COX7B2: variants seen among roughly 807,000 people sequenced by gnomAD.
The protein encoded by COX7B2 is cytochrome c oxidase subunit 7B2, mitochondrial.
For missense variants in COX7B2, 109 were observed against 95.9 expected (o/e 1.14, Z -0.57); for synonymous variants, 37 against 32.1 (o/e 1.15, Z -0.51).
At chr4:46,745,327 C>T (rs1432815503) in intron 2 of COX7B2, among the ~76,000 whole-genome samples, 3 of 152,096 alleles carry the variant, frequency 2.0e-5, no homozygotes, top group Non-Finnish European at 2.9e-5. Flanking sequence ...TTGCTATCAC[C>T]TAGATAACTT....
chr4:46,814,928 G>A (rs187320332), intron 2 of COX7B2, among the ~76,000 whole-genome samples: 291 of 152,238 alleles, frequency 1.9e-3, no homozygotes, highest in Non-Finnish European at 3.4e-3. Context: ...GCTCATGCCT[G>A]TAATCCCAGC....
At chr4:46,791,946 C>T (rs1325857352) in intron 2 of COX7B2, among the ~76,000 whole-genome samples, 1 of 152,034 alleles carries the variant, frequency 6.6e-6, no homozygotes, top group Admixed American at 6.6e-5. Flanking sequence ...GGGGTTTATA[C>T]CAGTAAAATG....
At chr4:46,746,296 G>T (rs2109415200) in intron 2 of COX7B2, among the ~76,000 whole-genome samples, 1 of 152,240 alleles carries the variant, frequency 6.6e-6, no homozygotes, top group African/African-American at 2.4e-5. Context: ...TCCTTTCCTG[G>T]CTTTATACTC....
At position 46,738,611 on chromosome 4, in the gene COX7B2, A is replaced by G. The variant is rs553025066; in HGVS notation, c.-49-3370T>C. 2.6e-5 allele frequency among the ~76,000 whole-genome samples: 4 copies of G among 152,222 alleles called. No individual in the cohort carries two copies. In the South Asian group the frequency reaches 6.2e-4, roughly 24 times the overall value. On this transcript the variant is annotated intron_variant, in intron 2 of 2. Coordinates refer to ENST00000355591, the MANE Select transcript of COX7B2 (RefSeq NM_130902.3). The stretch of plus-strand genomic sequence containing the variant: ...TTTCCATATTGTTTAAACCCATATT[A>G]CATACCTCTACAATAAATTTTGTGT...
intron 2 of COX7B2, among the ~76,000 whole-genome samples, chr4:46,788,311 G>T (rs1337456916): frequency 2.6e-5 from 4 of 151,996 alleles, no homozygotes; most frequent in Non-Finnish European, 5.9e-5. Context: ...AAAAAACAAT[G>T]TTATTTCTCT....
intron 2 of COX7B2, among the ~76,000 whole-genome samples, chr4:46,843,264 C>A (rs1716058634): frequency 6.6e-6 from 1 of 151,944 alleles, no homozygotes; most frequent in African/African-American, 2.4e-5. Flanking sequence ...AATAATAATA[C>A]CACATTCACA....
At chr4:46,771,885 T>A (rs1414728430) in intron 2 of COX7B2, among the ~76,000 whole-genome samples, 1 of 152,122 alleles carries the variant, frequency 6.6e-6, no homozygotes, top group Non-Finnish European at 1.5e-5. Context: ...AAATCCAAAA[T>A]TCTCCAATGA....
intron 1 of COX7B2, among the ~76,000 whole-genome samples, chr4:46,890,909 T>C (rs899262249): frequency 5.9e-5 from 9 of 152,202 alleles, no homozygotes; most frequent in African/African-American, 1.9e-4. Context: ...TGGATCTTTC[T>C]GGTCATGTGT....
At position 46,792,617 on chromosome 4, in the gene COX7B2, A is replaced by C. The variant is rs189011503; in HGVS notation, c.-50+52343T>G. ...GAATCAGCCTGGACTTTACACCACA[A>C]GCTTTCCTAGGTCTCCAGTTTGTGG... On this transcript the variant is annotated intron_variant, in intron 2 of 2. Coordinates refer to ENST00000355591, the MANE Select transcript of COX7B2 (RefSeq NM_130902.3). 1.2e-3 allele frequency among the ~76,000 whole-genome samples: 185 copies of C among 152,220 alleles called. 1 individual carries two copies. The highest frequency in any genetic ancestry group is 4.2e-3 in the African/African-American group (175 of 41,538).
chr4:46,868,784 G>A (rs1217143953), intron 1 of COX7B2, among the ~76,000 whole-genome samples: 1 of 152,140 alleles, frequency 6.6e-6, no homozygotes, highest in Non-Finnish European at 1.5e-5. Flanking sequence ...ATTGTTTTAT[G>A]TCCAATTATG....
At chr4:46,875,478 T>C (rs1458429242) in intron 1 of COX7B2, among the ~76,000 whole-genome samples, 3 of 152,190 alleles carry the variant, frequency 2.0e-5, no homozygotes, top group African/African-American at 4.8e-5. Context: ...TAATTTTTAC[T>C]GCCTAATGAC....
At chr4:46,762,612 A>G (rs994015569) in intron 2 of COX7B2, among the ~76,000 whole-genome samples, 19 of 149,252 alleles carry the variant, frequency 1.3e-4, no homozygotes, top group African/African-American at 4.2e-4. Flanking sequence ...TGAGGTAGAG[A>G]GCATAGAAAA....
chr4:46,866,292 C>T (rs941790966), intron 1 of COX7B2, among the ~76,000 whole-genome samples: 8 of 152,154 alleles, frequency 5.3e-5, no homozygotes, highest in South Asian at 2.1e-4. Flanking sequence ...TATAGATCCA[C>T]CTTGGCAGCA....
At chr4:46,888,145 C>T (rs369637830) in intron 1 of COX7B2, among the ~76,000 whole-genome samples, 3 of 152,128 alleles carry the variant, frequency 2.0e-5, no homozygotes, top group Non-Finnish European at 4.4e-5. Flanking sequence ...AGAAGCAAAG[C>T]GGTGTCGCTT....
chr4:46,900,650 G>A (rs1720025854), intron 1 of COX7B2, among the ~76,000 whole-genome samples: 1 of 152,164 alleles, frequency 6.6e-6, no homozygotes, highest in Non-Finnish European at 1.5e-5. Context: ...CCCCCACAGT[G>A]ATGATATTAA....
In COX7B2 at chr4:46,753,874, C is replaced by G. The variant is rs1715575740; in HGVS notation, c.-49-18633G>C. Among the ~76,000 whole-genome samples the G allele has an allele frequency of 2.0e-5, 3 of 152,174 alleles. No homozygotes were observed. In the South Asian group the frequency reaches 6.2e-4, roughly 32 times the overall value. On this transcript the variant is annotated intron_variant, in intron 2 of 2. Transcript: ENST00000355591. ...ACTCAACAAATTTACAAGAAATAAA[C>G]AAACAACCCCATCAACAAGTAGGCA...
At chr4:46,776,516 T>C (rs1717164498) in intron 2 of COX7B2, among the ~76,000 whole-genome samples, 2 of 151,910 alleles carry the variant, frequency 1.3e-5, no homozygotes, top group African/African-American at 2.4e-5. Flanking sequence ...CGCACTGTTG[T>C]AATAAACTCA....
chr4:46,838,068 T>A (rs1715656462), intron 2 of COX7B2, among the ~76,000 whole-genome samples: 1 of 152,048 alleles, frequency 6.6e-6, no homozygotes, highest in Non-Finnish European at 1.5e-5. Context: ...GTTTCATAGA[T>A]CAAAGCAGTC....
At position 46,801,986 on chromosome 4, in the gene COX7B2, A is replaced by G. The variant is rs184552475; in HGVS notation, c.-50+42974T>C. Among the ~76,000 whole-genome samples, 192 of 152,284 alleles carry G rather than the reference A, an allele frequency of 1.3e-3. 1 individual carries two copies. The highest frequency in any genetic ancestry group is 2.0e-3 in the Admixed American group (30 of 15,298). On this transcript the variant is annotated intron_variant, in intron 2 of 2. Transcript: ENST00000355591. ...ACTCTCAGGAAAGTGAGGCCTAGAC[A>G]CAATAGCCTCTAGACAGAGTAGACT...
Sources: gnomAD v4.1 joint callset for allele counts (sites outside exome capture counted in the v4.1 genomes callset) on GRCh38, gnomAD v4.1.1 for gene constraint, MANE v1.5 for transcripts, NCBI Gene and HGNC (gene_info 2026-07-23, HGNC 2026-07-21) for gene names.